The following SGCZ variants were observed in gnomAD, a reference collection of about 807,000 sequenced individuals.
The protein encoded by SGCZ is sarcoglycan zeta, also known as zeta-sarcoglycan.
Under a neutral mutation model 41.3 loss-of-function variants are expected in SGCZ, and 40 were observed. That is an observed-to-expected ratio of 0.97 (90% CI 0.75 to 1.26). SGCZ has a LOEUF of 1.26. Ranked by LOEUF, SGCZ falls within the 50% of genes most tolerant of loss-of-function variation. The pLI, the probability that SGCZ is intolerant of heterozygous loss-of-function variation, is 0.00. For synonymous variants in SGCZ, 206 were observed against 137.5 expected, an observed-to-expected ratio of 1.50 and a Z score of -3.49; for missense variants, 552 against 369.8, an observed-to-expected ratio of 1.49 and a Z score of -4.04.
At chr8:14,806,832 A>G (rs1349483779) in intron 1 of SGCZ, among the ~76,000 whole-genome samples, 1 of 151,906 alleles carries the variant, frequency 6.6e-6, no homozygotes, top group African/African-American at 2.4e-5. Flanking sequence ...AAAATCCTCA[A>G]TAAAATACTG....
chr8:15,233,119 C>T (rs1451984652), intron 1 of SGCZ, among the ~76,000 whole-genome samples: 1 of 151,668 alleles, frequency 6.6e-6, no homozygotes, highest in African/African-American at 2.4e-5. Context: ...TCAAATAATT[C>T]AGTATTCACA....
At chr8:14,543,381 C>G (rs1171369882) in intron 2 of SGCZ, among the ~76,000 whole-genome samples, 1 of 151,948 alleles carries the variant, frequency 6.6e-6, no homozygotes, top group Non-Finnish European at 1.5e-5. Context: ...TCCTGTAACT[C>G]TGCTGAGTTC....
intron 1 of SGCZ, among the ~76,000 whole-genome samples, chr8:14,649,254 T>G (rs1273187858): frequency 6.6e-6 from 1 of 152,234 alleles, no homozygotes; most frequent in African/African-American, 2.4e-5. Flanking sequence ...TCCTAGATTT[T>G]ATTTGTGAGG....
At chr8:15,053,040 G>A (rs1804572827) in intron 1 of SGCZ, among the ~76,000 whole-genome samples, 1 of 152,092 alleles carries the variant, frequency 6.6e-6, no homozygotes, top group Admixed American at 6.6e-5. Context: ...GCATTCCTCT[G>A]TAATAACTCT....
intron 2 of SGCZ, among the ~76,000 whole-genome samples, chr8:14,346,827 A>G (rs947923950): frequency 6.6e-6 from 1 of 151,992 alleles, no homozygotes; most frequent in African/African-American, 2.4e-5. Flanking sequence ...GTGTGCGCGC[A>G]TGTTTGTTAT....
At chr8:14,592,773 G>A (rs1805280955) in intron 1 of SGCZ, among the ~76,000 whole-genome samples, 1 of 152,152 alleles carries the variant, frequency 6.6e-6, no homozygotes, top group South Asian at 2.1e-4. Flanking sequence ...GTTGGGCATT[G>A]AGATCAGAGA....
At chr8:14,886,031 AT>A (rs1804792293) in intron 1 of SGCZ, among the ~76,000 whole-genome samples, 4 of 105,216 alleles carry the variant, frequency 3.8e-5, no homozygotes, top group Non-Finnish European at 6.0e-5. Flanking sequence ...ATATATATAT[AT>A]ATAAAATTGT....
At chr8:14,203,209 T>A (rs1321106851) in intron 4 of SGCZ, among the ~76,000 whole-genome samples, 1 of 152,166 alleles carries the variant, frequency 6.6e-6, no homozygotes, top group Non-Finnish European at 1.5e-5. Context: ...AATACAGATA[T>A]ATTTAGGTGT....
At chr8:14,742,814 T>G (rs1489999045) in intron 1 of SGCZ, among the ~76,000 whole-genome samples, 1 of 152,080 alleles carries the variant, frequency 6.6e-6, no homozygotes, top group Admixed American at 6.6e-5. Context: ...GAATGTATGT[T>G]ACCTGTATAT....
chr8:14,883,895 C>T (rs973223855), intron 1 of SGCZ, among the ~76,000 whole-genome samples: 1 of 149,102 alleles, frequency 6.7e-6, no homozygotes, highest in African/African-American at 2.5e-5. Flanking sequence ...TATAGGTTCT[C>T]ATTTCTGTTT....
At chr8:15,003,582 A>G (rs1460589892) in intron 1 of SGCZ, among the ~76,000 whole-genome samples, 1 of 152,238 alleles carries the variant, frequency 6.6e-6, no homozygotes, top group African/African-American at 2.4e-5. Flanking sequence ...ACTTAAATAA[A>G]TAGACCAAAC....
At chr8:14,540,242 TTTTTTTA>T in intron 2 of SGCZ, among the ~76,000 whole-genome samples, 1 of 147,626 alleles carries the variant, frequency 6.8e-6, no homozygotes, top group Non-Finnish European at 1.5e-5. Flanking sequence ...TTTTTTTTTT[TTTTTTTA>T]CAAATTTCTG....
chr8:15,167,462 A>G (rs1585632879), intron 1 of SGCZ, among the ~76,000 whole-genome samples: 1 of 152,148 alleles, frequency 6.6e-6, no homozygotes, highest in African/African-American at 2.4e-5. Context: ...GGAGAGAATT[A>G]CCCAACTCAG....
At chr8:14,877,730 A>G (rs1804415928) in intron 1 of SGCZ, among the ~76,000 whole-genome samples, 1 of 152,160 alleles carries the variant, frequency 6.6e-6, no homozygotes, top group African/African-American at 2.4e-5. Flanking sequence ...AGGCCAAATA[A>G]GTTTCACAAT....
chr8:15,156,942 C>T (rs1799348652), intron 1 of SGCZ, among the ~76,000 whole-genome samples: 1 of 126,830 alleles, frequency 7.9e-6, no homozygotes, highest in South Asian at 2.6e-4. Flanking sequence ...GAAACTCTGT[C>T]TCAAAAAAAA....
intron 2 of SGCZ, among the ~76,000 whole-genome samples, chr8:14,529,443 T>C (rs920008010): frequency 2.0e-5 from 3 of 152,162 alleles, no homozygotes; most frequent in African/African-American, 4.8e-5. Flanking sequence ...GTTTAGCATC[T>C]GTTCCTAACT....
chr8:14,671,666 T>G (rs1585170484), intron 1 of SGCZ, among the ~76,000 whole-genome samples: 1 of 152,270 alleles, frequency 6.6e-6, no homozygotes, highest in East Asian at 1.9e-4. Flanking sequence ...ACATTTATAT[T>G]CTTAACATTC....
chr8:14,175,836 C>T (rs539207372), intron 4 of SGCZ, among the ~76,000 whole-genome samples: 93 of 152,006 alleles, frequency 6.1e-4, no homozygotes, highest in African/African-American at 2.2e-3. Context: ...TTATATCACA[C>T]AAGACTAAAA....
intron 2 of SGCZ, among the ~76,000 whole-genome samples, chr8:14,551,580 AATATATATAATATATATT>A (rs1803859988): frequency 3.3e-4 from 8 of 24,534 alleles, no homozygotes; most frequent in African/African-American, 1.4e-3. Flanking sequence ...ATATATATAT[AATATATATAATATATATT>A]ATATATATTA....
Sources: allele counts gnomAD v4.1 joint callset (sites outside exome capture counted in the v4.1 genomes callset), GRCh38; gene constraint gnomAD v4.1.1; transcripts MANE v1.5; gene names NCBI Gene and HGNC (gene_info 2026-07-23, HGNC 2026-07-21).